PITPNB: variants seen among roughly 807,000 people sequenced by gnomAD.
The protein encoded by PITPNB is phosphatidylinositol transfer protein beta.
Under a neutral mutation model 45.9 loss-of-function variants are expected in PITPNB, and 16 were observed. The observed-to-expected ratio is 0.35, with a 90% confidence interval of 0.24 to 0.53. PITPNB has a LOEUF of 0.53. Among genes scored for constraint, PITPNB ranks in the 20% least tolerant of loss-of-function variants. The pLI is 0.93. For missense variants in PITPNB, 188 were observed against 330.5 expected (o/e 0.57, Z 3.34); for synonymous variants, 112 against 108.9 (o/e 1.03, Z -0.18).
chr22:27,874,652 C>T (rs573485157), intron 7 of PITPNB, among the ~76,000 whole-genome samples: 2 of 152,300 alleles, frequency 1.3e-5, no homozygotes, highest in African/African-American at 4.8e-5. Context: ...CTCTCTCTCT[C>T]TCCAGAAAAA....
chr22:27,889,457 G>C (rs1184558950), intron 7 of PITPNB, among the ~76,000 whole-genome samples: 3 of 152,126 alleles, frequency 2.0e-5, no homozygotes, highest in Non-Finnish European at 2.9e-5. Flanking sequence ...GGAAGGGAGA[G>C]AGAAAAATGA....
intron 7 of PITPNB, among the ~76,000 whole-genome samples, chr22:27,878,708 G>A (rs902114206): frequency 6.6e-6 from 1 of 152,202 alleles, no homozygotes; most frequent in African/African-American, 2.4e-5. Context: ...AAGATCTCAG[G>A]AGGGCTGTTT....
intron 10 of PITPNB, among the ~76,000 whole-genome samples, chr22:27,857,221 G>A (rs1254967572): frequency 6.6e-6 from 1 of 152,160 alleles, no homozygotes; most frequent in East Asian, 1.9e-4. Flanking sequence ...GGGAAAATAT[G>A]TTCCAAATTT....
chr22:27,902,866 G>A (rs372085445), intron 3 of PITPNB, among the ~76,000 whole-genome samples: 33 of 152,010 alleles, frequency 2.2e-4, no homozygotes, highest in African/African-American at 7.0e-4. Context: ...AAACAGGTAC[G>A]CTGTACTGTG....
intron 8 of PITPNB, among the ~76,000 whole-genome samples, chr22:27,862,648 T>G (rs547569115): frequency 6.6e-6 from 1 of 152,310 alleles, no homozygotes; most frequent in East Asian, 1.9e-4. Flanking sequence ...TCAGGATGTA[T>G]GTGTATGTGT....
At chr22:27,876,623 A>C (rs746602902) in intron 7 of PITPNB, among the ~76,000 whole-genome samples, 13 of 152,216 alleles carry the variant, frequency 8.5e-5, no homozygotes, top group Non-Finnish European at 1.8e-4. Context: ...TTCCACAACA[A>C]ACACCTAATT....
At chr22:27,862,119 C>T (rs1022611987) in intron 8 of PITPNB, among the ~76,000 whole-genome samples, 1 of 152,142 alleles carries the variant, frequency 6.6e-6, no homozygotes, top group African/African-American at 2.4e-5. Flanking sequence ...TGGGTGCTGC[C>T]ACCACTGCTT....
chr22:27,857,689 T>C (rs971402057), intron 10 of PITPNB, among the ~76,000 whole-genome samples: 1 of 152,154 alleles, frequency 6.6e-6, no homozygotes. Context: ...AAGACAAGCA[T>C]GGCCCAGGGC....
intron 7 of PITPNB, among the ~76,000 whole-genome samples, chr22:27,881,988 T>C (rs1287978226): frequency 6.6e-6 from 1 of 152,182 alleles, no homozygotes; most frequent in Non-Finnish European, 1.5e-5. Flanking sequence ...GAGAGTGCAA[T>C]GACGAAGTTT....
At chr22:27,908,257 AGTGGG>A (rs1935820212) in intron 3 of PITPNB, among the ~76,000 whole-genome samples, 1 of 138,568 alleles carries the variant, frequency 7.2e-6, no homozygotes, top group African/African-American at 2.6e-5. Context: ...GGGTGATTTA[AGTGGG>A]ATTTTTTAAA....
At chr22:27,901,041 A>T (rs1376559893) in intron 3 of PITPNB, among the ~76,000 whole-genome samples, 4 of 152,112 alleles carry the variant, frequency 2.6e-5, no homozygotes, top group Admixed American at 2.6e-4. Flanking sequence ...TTGTCCTCCC[A>T]AACTATTCAC....
intron 8 of PITPNB, 41 bp from the exon 9 acceptor site, chr22:27,860,282 T>TA: frequency 1.7e-6 from 2 of 1,211,820 alleles, no homozygotes; most frequent in Non-Finnish European, 1.2e-6. Flanking sequence ...ATGACTTAAA[T>TA]ATTTATGTTT....
Position 27,884,188 on chromosome 22 carries a change from C to T in PITPNB, c.456+10367G>A, listed in dbSNP as rs556031300. ...GGGCAGGCAGGAGGGCTGCAGCACT[C>T]GAAGCCCGTAATTGTGTCCCCATTA... On this transcript the variant is annotated intron_variant, in intron 7 of 11. Coordinates refer to ENST00000335272, the MANE Select transcript of PITPNB (RefSeq NM_012399.5). Among the ~76,000 whole-genome samples the T allele has an allele frequency of 3.9e-5, 6 of 152,082 alleles. No individual in the cohort carries two copies. In the South Asian group the frequency reaches 8.3e-4, roughly 21 times the overall value.
intron 9 of PITPNB, 65 bp from the exon 10 acceptor site, chr22:27,858,574 CT>C: frequency 7.8e-7 from 1 of 1,276,790 alleles, no homozygotes; most frequent in Non-Finnish European, 1.1e-6. Context: ...GACACATTAA[CT>C]TTACATGTTC....
chr22:27,883,292 C>CT (rs1466530009), intron 7 of PITPNB, among the ~76,000 whole-genome samples: 5 of 152,242 alleles, frequency 3.3e-5, no homozygotes, highest in South Asian at 2.1e-4. Context: ...AGAGTCCTGG[C>CT]TCCCCTTCCA....
chr22:27,868,834 G>T (rs1483359946), intron 8 of PITPNB, among the ~76,000 whole-genome samples: 1 of 152,128 alleles, frequency 6.6e-6, no homozygotes, highest in Non-Finnish European at 1.5e-5. Flanking sequence ...AGGAAGAGAC[G>T]CTTTGACAAA....
intron 8 of PITPNB, among the ~76,000 whole-genome samples, chr22:27,870,674 C>T (rs181851838): frequency 6.6e-6 from 1 of 152,310 alleles, no homozygotes; most frequent in African/African-American, 2.4e-5. Flanking sequence ...CAACTATTAT[C>T]GTTCCCCAGT....
chr22:27,883,010 C>T (rs1213751996), intron 7 of PITPNB, among the ~76,000 whole-genome samples: 1 of 152,180 alleles, frequency 6.6e-6, no homozygotes. Context: ...CACCAAAACA[C>T]ATCTTTGGGT....
At chr22:27,874,966 T>C (rs1934778767) in intron 7 of PITPNB, among the ~76,000 whole-genome samples, 1 of 152,224 alleles carries the variant, frequency 6.6e-6, no homozygotes, top group African/African-American at 2.4e-5. Context: ...CTCCACAGTA[T>C]AATACGAACT....
Sources: gnomAD v4.1 joint callset for allele counts (sites outside exome capture counted in the v4.1 genomes callset) on GRCh38, gnomAD v4.1.1 for gene constraint, MANE v1.5 for transcripts, NCBI Gene and HGNC (gene_info 2026-07-23, HGNC 2026-07-21) for gene names.